Variants in RALYL observed in about 807,000 individuals in gnomAD.
The protein encoded by RALYL is RNA-binding Raly-like protein.
RALYL carries 29 observed loss-of-function variants against 35.1 expected under a neutral mutation model. The ratio of observed to expected loss-of-function variants is 0.83; its 90% CI spans 0.61 to 1.13. RALYL has a LOEUF of 1.13. Among genes scored for constraint, RALYL ranks in the 50% most tolerant of loss-of-function variants. RALYL has a pLI of 0.00. For missense variants in RALYL, 359 were observed against 360.4 expected, an observed-to-expected ratio of 1.00 and a Z score of 0.03; for synonymous variants, 120 against 127.6, an observed-to-expected ratio of 0.94 and a Z score of 0.40.
At chr8:84,381,245 C>T (rs73298753) in intron 1 of RALYL, among the ~76,000 whole-genome samples, 5,152 of 151,840 alleles carry the variant, frequency 0.034, 292 homozygotes, top group African/African-American at 0.12. Flanking sequence ...TTAAATTCTA[C>T]GATTTTAAAG....
intron 2 of RALYL, among the ~76,000 whole-genome samples, chr8:84,576,807 C>G (rs1163537212): frequency 6.6e-6 from 1 of 152,174 alleles, no homozygotes; most frequent in Non-Finnish European, 1.5e-5. Flanking sequence ...AATATCTGGT[C>G]TCTCCACAAA....
At chr8:84,362,660 C>T (rs1178886685) in intron 1 of RALYL, among the ~76,000 whole-genome samples, 1 of 152,086 alleles carries the variant, frequency 6.6e-6, no homozygotes, top group African/African-American at 2.4e-5. Context: ...TGAGGTGAAA[C>T]ACTTTTATCC....
In RALYL at chr8:84,433,735, C is replaced by T. The variant is rs367929825; in HGVS notation, c.-23-95564C>T. On this transcript the variant is annotated intron_variant, in intron 1 of 8. Transcript: ENST00000521268. ...ATGTGGAACTGTAAGCCCAATTAAA[C>T]CTCTTTTTCTTCCCAGTTTGGGGTA... 1.3e-4 allele frequency among the ~76,000 whole-genome samples: 20 copies of T among 152,042 alleles called. 2 individuals carry two copies. In the South Asian group the frequency reaches 3.3e-3, roughly 25 times the overall value.
intron 5 of RALYL, among the ~76,000 whole-genome samples, chr8:84,851,736 C>T (rs1835900124): frequency 1.3e-5 from 2 of 152,090 alleles, no homozygotes; most frequent in Admixed American, 1.3e-4. Flanking sequence ...TGTTCCATCT[C>T]CTCATACCTC....
chr8:84,245,326 A>C (rs1254567637), intron 1 of RALYL, among the ~76,000 whole-genome samples: 3 of 152,200 alleles, frequency 2.0e-5, no homozygotes, highest in Non-Finnish European at 4.4e-5. Context: ...TCCTCATAAA[A>C]TGAAAGGAGG....
chr8:84,863,069 A>G (rs1040229639), intron 6 of RALYL, among the ~76,000 whole-genome samples: 2 of 152,208 alleles, frequency 1.3e-5, no homozygotes, highest in African/African-American at 4.8e-5. Context: ...ATACAGAAAA[A>G]AATTTTATTT....
intron 1 of RALYL, among the ~76,000 whole-genome samples, chr8:84,422,778 C>A (rs2045824929): frequency 6.9e-6 from 1 of 144,010 alleles, no homozygotes; most frequent in African/African-American, 2.6e-5. Flanking sequence ...CAAAGAACAT[C>A]TTTATTTCTG....
intron 1 of RALYL, among the ~76,000 whole-genome samples, chr8:84,476,099 G>C (rs1338101022): frequency 7.2e-5 from 11 of 152,140 alleles, no homozygotes; most frequent in Non-Finnish European, 1.2e-4. Flanking sequence ...TGAGATAGAT[G>C]TGGTACAGAG....
chr8:84,234,298 A>G (rs550240939), intron 1 of RALYL, among the ~76,000 whole-genome samples: 3 of 152,286 alleles, frequency 2.0e-5, no homozygotes, highest in Non-Finnish European at 4.4e-5. Context: ...TAAAAATGGT[A>G]TCTTTTGTAG....
intron 2 of RALYL, among the ~76,000 whole-genome samples, chr8:84,695,987 C>T (rs1839053711): frequency 6.6e-6 from 1 of 151,700 alleles, no homozygotes; most frequent in African/African-American, 2.4e-5. Context: ...TTTTTCAATA[C>T]ACTGTCAAAG....
At chr8:84,555,814 GTA>G (rs1222484903) in intron 2 of RALYL, among the ~76,000 whole-genome samples, 1 of 152,020 alleles carries the variant, frequency 6.6e-6, no homozygotes, top group Non-Finnish European at 1.5e-5. Flanking sequence ...TATCCCATCA[GTA>G]TATAATGATC....
At chr8:84,336,276 G>A (rs543878949) in intron 1 of RALYL, among the ~76,000 whole-genome samples, 5 of 152,132 alleles carry the variant, frequency 3.3e-5, no homozygotes, top group South Asian at 2.1e-4. Flanking sequence ...GAGCTGAGAC[G>A]GTTTTTCACT....
chr8:84,265,973 C>T (rs993330570), intron 1 of RALYL, among the ~76,000 whole-genome samples: 1 of 152,160 alleles, frequency 6.6e-6, no homozygotes, highest in South Asian at 2.1e-4. Flanking sequence ...ACATGAGCCT[C>T]CTTTTAAATA....
intron 1 of RALYL, among the ~76,000 whole-genome samples, chr8:84,388,052 C>G (rs1041776759): frequency 2.6e-5 from 4 of 151,952 alleles, no homozygotes; most frequent in African/African-American, 9.7e-5. Flanking sequence ...TCCATGTGAT[C>G]TCATTGTTCA....
chr8:84,270,631 G>C (rs1247626660), intron 1 of RALYL, among the ~76,000 whole-genome samples: 2 of 151,832 alleles, frequency 1.3e-5, no homozygotes, highest in Non-Finnish European at 2.9e-5. Context: ...TTATTACACA[G>C]TGTACTGTCC....
intron 2 of RALYL, among the ~76,000 whole-genome samples, chr8:84,668,346 T>C (rs1832491540): frequency 1.3e-5 from 2 of 152,184 alleles, no homozygotes; most frequent in Admixed American, 1.3e-4. Flanking sequence ...AGTCATGCAG[T>C]GAGTTTTCAT....
chr8:84,668,240 C>G (rs964238637), intron 2 of RALYL, among the ~76,000 whole-genome samples: 1 of 152,126 alleles, frequency 6.6e-6, no homozygotes, highest in Non-Finnish European at 1.5e-5. Context: ...CCTTATTTCA[C>G]GTTGTCCTTC....
chr8:84,316,462 TA>T (rs1003334153), intron 1 of RALYL, among the ~76,000 whole-genome samples: 4 of 152,150 alleles, frequency 2.6e-5, no homozygotes, highest in South Asian at 2.1e-4. Flanking sequence ...TTAGATGACA[TA>T]AAAAATTACG....
chr8:84,735,308 A>G (rs1186102019), intron 2 of RALYL, among the ~76,000 whole-genome samples: 3 of 152,076 alleles, frequency 2.0e-5, no homozygotes, highest in Non-Finnish European at 4.4e-5. Context: ...AAAAATTAAT[A>G]AAGGATAAAA....
Sources: gnomAD v4.1 joint callset for allele counts (sites outside exome capture counted in the v4.1 genomes callset) on GRCh38, gnomAD v4.1.1 for gene constraint, MANE v1.5 for transcripts, NCBI Gene and HGNC (gene_info 2026-07-23, HGNC 2026-07-21) for gene names.